ITGAE: variants seen among roughly 807,000 people sequenced by gnomAD.
ITGAE encodes integrin alpha-E.
Under a neutral mutation model 136.5 loss-of-function variants are expected in ITGAE, and 99 were observed. The observed-to-expected ratio is 0.73, with a 90% CI of 0.62 to 0.86. The LOEUF (loss-of-function observed/expected upper bound fraction) is 0.86. Among genes scored for constraint, ITGAE ranks in the 40% least tolerant of loss-of-function variants. The pLI is 0.00. For synonymous variants in ITGAE, 613 were observed against 591.8 expected (o/e 1.04, Z -0.52); for missense variants, 1,447 against 1,515.3 (o/e 0.95, Z 0.75).
At position 3,795,899 on chromosome 17, in the gene ITGAE, ATC is replaced by A. The variant is rs777800100; in HGVS notation, c.34+5210_34+5211del. On this transcript the variant is annotated intron_variant, in intron 1 of 30. Coordinates refer to ENST00000263087, the MANE Select transcript of ITGAE (RefSeq NM_002208.5). Reference sequence around the variant, plus strand: ...TGTGCGTGTGCATCCGTGTGTGTGCATCTGTGTATGCGCATCCGTGTGTGTGC... The same window carrying A: ...TGTGCGTGTGCATCCGTGTGTGTGCATGTGTATGCGCATCCGTGTGTGTGC... Among the ~76,000 whole-genome samples, 19 of 120,014 alleles carry A rather than the reference ATC, an allele frequency of 1.6e-4. 1 individual carries two copies. The highest frequency in any genetic ancestry group is 8.5e-4 in the Admixed American group (10 of 11,730). 78.7% of individuals were successfully genotyped at this position (120,014 alleles called of 152,430 possible).
chr17:3,724,499 G>C (rs772126646), intron 26 of ITGAE: 2 of 1,613,954 alleles, frequency 1.2e-6, no homozygotes, highest in Non-Finnish European at 8.5e-7. Context: ...GTGTCATCTC[G>C]ATCGGCACCT....
At chr17:3,781,310 T>C (rs767389831) in intron 1 of ITGAE, among the ~76,000 whole-genome samples, 1 of 152,020 alleles carries the variant, frequency 6.6e-6, no homozygotes, top group Non-Finnish European at 1.5e-5. Flanking sequence ...TCCACTCATG[T>C]TTCCTTCTAT....
chr17:3,744,013 T>A (rs1021759962), intron 18 of ITGAE, among the ~76,000 whole-genome samples: 3 of 151,258 alleles, frequency 2.0e-5, no homozygotes, highest in Non-Finnish European at 4.4e-5. Flanking sequence ...TCTTTTCTTT[T>A]TTTTTTTTTT....
At chr17:3,778,165 A>C (rs1426269260) in intron 1 of ITGAE, among the ~76,000 whole-genome samples, 2 of 152,082 alleles carry the variant, frequency 1.3e-5, no homozygotes, top group Non-Finnish European at 2.9e-5. Flanking sequence ...ATGTCCATCA[A>C]CAGGAGACTG....
chr17:3,778,426 G>A (rs554393881), intron 1 of ITGAE, among the ~76,000 whole-genome samples: 5 of 152,122 alleles, frequency 3.3e-5, no homozygotes, highest in Admixed American at 6.6e-5. Context: ...AGCTGGGCGC[G>A]GTGGCACGTT....
intron 1 of ITGAE, among the ~76,000 whole-genome samples, chr17:3,785,541 A>C (rs915907343): frequency 6.8e-5 from 10 of 147,750 alleles, no homozygotes; most frequent in East Asian, 2.0e-4. Flanking sequence ...GAAGGAAGGA[A>C]GGAAGGAAGG....
chr17:3,753,646 C>T (rs1001631640), intron 13 of ITGAE, 137 bp downstream of exon 13: 4 of 1,199,238 alleles, frequency 3.3e-6, no homozygotes, highest in Non-Finnish European at 4.6e-6. Flanking sequence ...GCAGAGCCCT[C>T]GAGCTCCACT....
rs146138232 is a variant in ITGAE, at chr17:3,776,405, G to A, written c.155+1135C>T. Among the ~76,000 whole-genome samples, 68 of 152,212 alleles carry A rather than the reference G, an allele frequency of 4.5e-4. No individual in the cohort carries two copies. The East Asian group carries it at 0.01, about 23-fold the overall frequency. On this transcript the variant is annotated intron_variant, in intron 2 of 30. Transcript: ENST00000263087. The stretch of plus-strand genomic sequence containing the variant: ...ATGCATTATCTCAAATAGTCTTTGC[G>A]ACAATCCTGTGAAGTAGGTAGTTCC...
chr17:3,724,584 C>G lies in ITGAE; in HGVS notation c.3085-840G>C, dbSNP rs746330551. 3 of 1,614,224 alleles carry G rather than the reference C, an allele frequency of 1.9e-6. No homozygotes were observed. In the South Asian group the frequency reaches 3.3e-5, roughly 18 times the overall value. On this transcript the variant is annotated intron_variant, in intron 26 of 30. Coordinates refer to ENST00000263087, the MANE Select transcript of ITGAE (RefSeq NM_002208.5). Reference sequence around the variant, plus strand: ...AGAAGTCTCCCTGGACCGAGCATCTCTCCCCTGCTCCCAGGAGGAAGCGAC... The same window carrying G: ...AGAAGTCTCCCTGGACCGAGCATCTGTCCCCTGCTCCCAGGAGGAAGCGAC...
At chr17:3,720,607 A>C (rs940028236) in intron 28 of ITGAE, 1 of 388,230 alleles carries the variant, frequency 2.6e-6, no homozygotes, top group African/African-American at 2.5e-5. Context: ...TTTGAGATGG[A>C]GTTTCGCTCT....
At chr17:3,748,973 T>C (rs1046308875) in intron 16 of ITGAE, among the ~76,000 whole-genome samples, 2 of 152,034 alleles carry the variant, frequency 1.3e-5, no homozygotes, top group Non-Finnish European at 2.9e-5. Context: ...AGTGAAGGGA[T>C]AGGGCTGCTG....
At chr17:3,774,912 G>A (rs935015622) in intron 2 of ITGAE, among the ~76,000 whole-genome samples, 3 of 152,084 alleles carry the variant, frequency 2.0e-5, no homozygotes, top group African/African-American at 4.8e-5. Context: ...GGCCACCATC[G>A]CCATCTGAGG....
At position 3,766,305 on chromosome 17, in the gene ITGAE, G is replaced by C. The variant is rs548526713; in HGVS notation, c.156-2345C>G. Among the ~76,000 whole-genome samples the C allele has an allele frequency of 3.9e-5, 6 of 152,302 alleles. No homozygotes were observed. The South Asian group carries it at 1.2e-3, about 32-fold the overall frequency. ...TAATCACAAAAGTCCTTCTAGGAGG[G>C]AGGCAGGAGAATCAGAGTCGGAGAA... On this transcript the variant is annotated intron_variant, in intron 2 of 30. Coordinates refer to ENST00000263087, the MANE Select transcript of ITGAE (RefSeq NM_002208.5).
In ITGAE at chr17:3,755,846, G is replaced by A. The variant is rs2052006719; in HGVS notation, c.1223C>T (p.Ala408Val). ...HYQLAQIGFS[A>V]QILDERQVLL... ...GCCACGTACCTCATCCAGGATCTGA[G>A]CACTGAAGCCAATCTGTGCCAGCTG... The change falls in exon 11 of 31, where the codon GCT becomes GTT. Residue 408 changes from alanine (A) to valine (V), a missense_variant. Ala to Val is a moderately conservative substitution (Grantham distance 64). Transcript: ENST00000263087. The A allele has an allele frequency of 1.3e-6, 2 of 1,597,200 alleles. No homozygotes were observed. Among genetic ancestry groups the A allele is most frequent in the Admixed American group, 1.7e-5 (1 of 57,384 alleles).
At chr17:3,728,363 C>T (rs1004883431) in intron 24 of ITGAE, 195 bp from the exon 25 acceptor site, 2 of 377,888 alleles carry the variant, frequency 5.3e-6, no homozygotes, top group Non-Finnish European at 9.6e-6. Context: ...CCACTACACT[C>T]ATCCCTTTTT....
chr17:3,786,888 C>CAA (rs1268482931), intron 1 of ITGAE, among the ~76,000 whole-genome samples: 39 of 35,134 alleles, frequency 1.1e-3, no homozygotes, highest in Non-Finnish European at 1.3e-3. Context: ...GACTCCATCT[C>CAA]AAAAAAAAAA....
intron 26 of ITGAE, chr17:3,723,967 G>A: frequency 1.9e-6 from 3 of 1,573,498 alleles, no homozygotes; most frequent in South Asian, 2.2e-5. Flanking sequence ...CCTGGGAGCC[G>A]GCTTTTCCGC....
At chr17:3,717,448 C>T (rs1196214949) in intron 29 of ITGAE, 1 of 152,220 alleles carries the variant, frequency 6.6e-6, no homozygotes, top group Non-Finnish European at 1.5e-5. Context: ...CAAAGGCTCT[C>T]CCAATTTCGG....
chr17:3,724,978 CCT>C, intron 26 of ITGAE: 3 of 1,614,132 alleles, frequency 1.9e-6, no homozygotes, highest in Non-Finnish European at 2.5e-6. Flanking sequence ...GCAACGGAAA[CCT>C]CTCTCCTCCA....
Sources: allele counts gnomAD v4.1 joint callset (sites outside exome capture counted in the v4.1 genomes callset), GRCh38; gene constraint gnomAD v4.1.1; transcripts MANE v1.5; gene names NCBI Gene and HGNC (gene_info 2026-07-23, HGNC 2026-07-21).